Variants in PDE3B observed in about 807,000 individuals in gnomAD.
The protein encoded by PDE3B is phosphodiesterase 3B.
PDE3B carries 66 observed loss-of-function variants against 116.8 expected under a neutral mutation model. The observed-to-expected ratio is 0.56, with a 90% CI of 0.46 to 0.69. The LOEUF is 0.69. PDE3B is among the 30% of genes least tolerant of loss of function. The probability of loss-of-function intolerance (pLI) is 0.00; values close to 1 mark genes in which losing one functional copy is unlikely to be tolerated. For missense variants in PDE3B, 1,384 were observed against 1,368.1 expected (o/e 1.01, Z -0.18); for synonymous variants, 595 against 533.6 (o/e 1.12, Z -1.59).
intron 1 of PDE3B, among the ~76,000 whole-genome samples, chr11:14,657,408 A>C (rs539667157): frequency 6.6e-6 from 1 of 152,304 alleles, no homozygotes; most frequent in Non-Finnish European, 1.5e-5. Context: ...TCAATGTAAC[A>C]CTTTGTTCCA....
chr11:14,844,874 C>G (rs1847559481), intron 12 of PDE3B, among the ~76,000 whole-genome samples: 1 of 152,244 alleles, frequency 6.6e-6, no homozygotes, highest in Non-Finnish European at 1.5e-5. Flanking sequence ...CCAAGGAGGC[C>G]TGCCTGCCTC....
intron 1 of PDE3B, among the ~76,000 whole-genome samples, chr11:14,656,955 G>A (rs1358679113): frequency 1.3e-5 from 2 of 152,078 alleles, no homozygotes; most frequent in African/African-American, 4.8e-5. Context: ...TTATATAGGG[G>A]AAATTCTTTC....
chr11:14,705,389 A>G (rs1855499280), intron 1 of PDE3B, among the ~76,000 whole-genome samples: 2 of 151,846 alleles, frequency 1.3e-5, no homozygotes, highest in Admixed American at 1.3e-4. Flanking sequence ...AGGAAGCCAC[A>G]TACAATATAT....
chr11:14,849,272 C>G (rs1440549942), intron 12 of PDE3B, among the ~76,000 whole-genome samples: 2 of 151,546 alleles, frequency 1.3e-5, no homozygotes, highest in Non-Finnish European at 3.0e-5. Flanking sequence ...GCTGGGAAAA[C>G]TGGCTAGCCA....
intron 8 of PDE3B, among the ~76,000 whole-genome samples, chr11:14,831,298 A>G (rs1199212260): frequency 1.3e-5 from 2 of 151,634 alleles, no homozygotes; most frequent in East Asian, 3.9e-4. Flanking sequence ...CAATATAAGG[A>G]TATGGTTTTT....
chr11:14,853,922 T>C (rs1565166107), intron 12 of PDE3B, among the ~76,000 whole-genome samples: 1 of 152,178 alleles, frequency 6.6e-6, no homozygotes, highest in Non-Finnish European at 1.5e-5. Flanking sequence ...AAATTTTAAG[T>C]TGAGATTTTT....
chr11:14,800,597 T>C (rs964408249), intron 4 of PDE3B, among the ~76,000 whole-genome samples: 1 of 152,234 alleles, frequency 6.6e-6, no homozygotes, highest in Non-Finnish European at 1.5e-5. Context: ...CATTTTTTCC[T>C]TCATTTCAAC....
At chr11:14,705,531 G>A (rs1319857011) in intron 1 of PDE3B, among the ~76,000 whole-genome samples, 2 of 151,762 alleles carry the variant, frequency 1.3e-5, no homozygotes, top group Non-Finnish European at 3.0e-5. Context: ...TTTTGTTGGT[G>A]ATGGAAATGT....
At chr11:14,676,665 C>T (rs1036580594) in intron 1 of PDE3B, among the ~76,000 whole-genome samples, 10 of 152,132 alleles carry the variant, frequency 6.6e-5, no homozygotes, top group African/African-American at 2.2e-4. Context: ...AAAGTAACCG[C>T]GTCACAATGT....
At chr11:14,690,719 C>T (rs936097523) in intron 1 of PDE3B, among the ~76,000 whole-genome samples, 6 of 151,380 alleles carry the variant, frequency 4.0e-5, no homozygotes, top group Non-Finnish European at 7.4e-5. Context: ...AGACAAATCA[C>T]GGATGGAGAA....
intron 5 of PDE3B, among the ~76,000 whole-genome samples, chr11:14,812,838 AC>A (rs1182698741): frequency 6.6e-6 from 1 of 152,106 alleles, no homozygotes; most frequent in Non-Finnish European, 1.5e-5. Context: ...CCTCACTTAC[AC>A]CCCAATTCAT....
chr11:14,884,774 A>G, the PDE3B span, among the ~76,000 whole-genome samples: 3 of 152,150 alleles, frequency 2.0e-5, no homozygotes, highest in Non-Finnish European at 4.4e-5. Flanking sequence ...ATGCTTTATG[A>G]TAAAAACAGT....
intron 1 of PDE3B, among the ~76,000 whole-genome samples, chr11:14,736,023 G>A (rs1279910701): frequency 6.7e-6 from 1 of 149,354 alleles, no homozygotes; most frequent in Non-Finnish European, 1.5e-5. Flanking sequence ...TGACACAGTG[G>A]AACAATGAAG....
At chr11:14,781,993 T>A (rs1458707762) in intron 2 of PDE3B, among the ~76,000 whole-genome samples, 2 of 152,090 alleles carry the variant, frequency 1.3e-5, no homozygotes, top group Non-Finnish European at 2.9e-5. Flanking sequence ...TGTGCAGAAA[T>A]CACAAGCATT....
chr11:14,700,200 A>G (rs1033157534), intron 1 of PDE3B, among the ~76,000 whole-genome samples: 2 of 151,730 alleles, frequency 1.3e-5, no homozygotes, highest in African/African-American at 4.8e-5. Context: ...AGTAAGGTTA[A>G]TTTTTAGTAT....
At chr11:14,889,894 C>T in the PDE3B span, among the ~76,000 whole-genome samples, 4 of 151,970 alleles carry the variant, frequency 2.6e-5, no homozygotes, top group South Asian at 4.2e-4. Flanking sequence ...TTTGGGAGGC[C>T]GAGGCGGGCA....
intron 5 of PDE3B, among the ~76,000 whole-genome samples, chr11:14,807,188 A>G (rs1367907200): frequency 6.6e-6 from 1 of 152,190 alleles, no homozygotes; most frequent in African/African-American, 2.4e-5. Flanking sequence ...GCAAACCACC[A>G]TGGCACGTGT....
At chr11:14,736,511 A>T (rs1172982932) in intron 1 of PDE3B, among the ~76,000 whole-genome samples, 2 of 152,250 alleles carry the variant, frequency 1.3e-5, no homozygotes, top group African/African-American at 4.8e-5. Context: ...GTTGCCATTA[A>T]CAGAAATAAA....
intron 1 of PDE3B, among the ~76,000 whole-genome samples, chr11:14,694,601 T>G (rs1855148372): frequency 6.6e-6 from 1 of 152,222 alleles, no homozygotes; most frequent in Admixed American, 6.5e-5. Flanking sequence ...ATAATGCTAC[T>G]TAGCACTTTA....
Sources: gnomAD v4.1 joint callset for allele counts (sites outside exome capture counted in the v4.1 genomes callset) on GRCh38, gnomAD v4.1.1 for gene constraint, MANE v1.5 for transcripts, NCBI Gene and HGNC (gene_info 2026-07-23, HGNC 2026-07-21) for gene names.